ZSCAN25: variants seen among roughly 807,000 people sequenced by gnomAD.
ZSCAN25 encodes zinc finger and SCAN domain-containing protein 25.
Under a neutral mutation model 38.7 loss-of-function variants are expected in ZSCAN25, and 27 were observed. The ratio of observed to expected loss-of-function variants is 0.70; its 90% CI spans 0.51 to 0.96. The LOEUF is 0.96. ZSCAN25 is among the 40% of genes least tolerant of loss of function. The pLI is 0.00. For missense variants in ZSCAN25, 637 were observed against 705.9 expected, an observed-to-expected ratio of 0.90 and a Z score of 1.11; for synonymous variants, 273 against 277.7, an observed-to-expected ratio of 0.98 and a Z score of 0.17.
At chr7:99,667,108 G>A in the ZSCAN25 span, 2 of 1,554,578 alleles carry the variant, frequency 1.3e-6, no homozygotes, top group South Asian at 1.1e-5. Context: ...TAGTTGTGGT[G>A]ATCTTCATGG....
At chr7:99,703,153 CTT>C in the ZSCAN25 span, among the ~76,000 whole-genome samples, 11 of 152,272 alleles carry the variant, frequency 7.2e-5, no homozygotes, top group Non-Finnish European at 1.6e-4. Context: ...TTGGTGGAGT[CTT>C]TAGGTTTTTG....
At chr7:99,654,662 C>A in the ZSCAN25 span, among the ~76,000 whole-genome samples, 3 of 152,270 alleles carry the variant, frequency 2.0e-5, no homozygotes, top group Non-Finnish European at 4.4e-5. Flanking sequence ...ACCACACTGA[C>A]TTCCACAATG....
the ZSCAN25 span, among the ~76,000 whole-genome samples, chr7:99,654,483 A>G: frequency 2.0e-5 from 3 of 152,156 alleles, no homozygotes; most frequent in East Asian, 5.8e-4. Context: ...GTCTATCATT[A>G]TTGGACATTT....
intron 1 of ZSCAN25, chr7:99,617,999 TA>T (rs1424352950): frequency 2.6e-5 from 4 of 152,234 alleles, no homozygotes; most frequent in African/African-American, 7.2e-5. Flanking sequence ...ACTGAAAATA[TA>T]AACTTGGTTT....
At chr7:99,650,177 C>T in the ZSCAN25 span, 1 of 1,614,096 alleles carries the variant, frequency 6.2e-7, no homozygotes, top group Non-Finnish European at 8.5e-7. Flanking sequence ...TTTCTGGGTC[C>T]AGTTCCAAAG....
At chr7:99,664,255 C>T in the ZSCAN25 span, among the ~76,000 whole-genome samples, 2 of 152,216 alleles carry the variant, frequency 1.3e-5, no homozygotes, top group African/African-American at 4.8e-5. Flanking sequence ...AGGCCGGCGA[C>T]TGAGCAAGGG....
chr7:99,650,934 C>T, the ZSCAN25 span, among the ~76,000 whole-genome samples: 3 of 152,116 alleles, frequency 2.0e-5, no homozygotes, highest in South Asian at 6.2e-4. Flanking sequence ...GAAGATTGAC[C>T]CATGTTTTAT....
chr7:99,709,392 T>A, the ZSCAN25 span: 1 of 1,373,778 alleles, frequency 7.3e-7, no homozygotes, highest in Middle Eastern at 1.9e-4. Flanking sequence ...GTAGCATTCA[T>A]AAAGTATTTT....
At chr7:99,737,307 A>T in the ZSCAN25 span, among the ~76,000 whole-genome samples, 7 of 152,174 alleles carry the variant, frequency 4.6e-5, no homozygotes, top group Non-Finnish European at 5.9e-5. Context: ...TTCCTTGCTA[A>T]GCATCACTAT....
At chr7:99,711,846 T>A in the ZSCAN25 span, among the ~76,000 whole-genome samples, 2 of 152,104 alleles carry the variant, frequency 1.3e-5, no homozygotes, top group Non-Finnish European at 2.9e-5. Flanking sequence ...AACTACTGAT[T>A]CAAGTCTGAA....
At chr7:99,640,459 C>T in the ZSCAN25 span, among the ~76,000 whole-genome samples, 1 of 152,176 alleles carries the variant, frequency 6.6e-6, no homozygotes, top group African/African-American at 2.4e-5. Flanking sequence ...CACCTGGCCT[C>T]TCCCTTATTT....
At chr7:99,655,875 CTGTT>C in the ZSCAN25 span, among the ~76,000 whole-genome samples, 1 of 152,108 alleles carries the variant, frequency 6.6e-6, no homozygotes, top group African/African-American at 2.4e-5. Flanking sequence ...ATTTGGCTCT[CTGTT>C]TGTCTGTTAT....
the ZSCAN25 span, among the ~76,000 whole-genome samples, chr7:99,680,770 AAAATAATAG>A: frequency 6.6e-6 from 1 of 152,198 alleles, no homozygotes; most frequent in Admixed American, 6.5e-5. Flanking sequence ...TCTGCAAAGG[AAAATAATAG>A]AAATCATGTT....
the ZSCAN25 span, chr7:99,676,390 GAC>G: frequency 1.3e-6 from 2 of 1,518,042 alleles, no homozygotes; most frequent in Non-Finnish European, 1.8e-6. Context: ...ACTATTCTGA[GAC>G]CCCTGAAAAG....
downstream of ZSCAN25, among the ~76,000 whole-genome samples, chr7:99,632,842 C>T (rs1046202111): frequency 3.9e-5 from 6 of 152,248 alleles, no homozygotes; most frequent in East Asian, 1.2e-3. Context: ...TAAGAACCCA[C>T]CTAATTTTTC....
At chr7:99,718,155 G>A in the ZSCAN25 span, among the ~76,000 whole-genome samples, 5 of 152,100 alleles carry the variant, frequency 3.3e-5, no homozygotes, top group African/African-American at 1.2e-4. Context: ...ATAGCATTAG[G>A]AGTTATACCT....
chr7:99,730,791 C>A, the ZSCAN25 span: 4 of 427,054 alleles, frequency 9.4e-6, no homozygotes, highest in African/African-American at 2.0e-5. Flanking sequence ...CTTTATGGTG[C>A]TCACAAAGTC....
the ZSCAN25 span, among the ~76,000 whole-genome samples, chr7:99,645,404 A>G: frequency 6.6e-6 from 1 of 152,114 alleles, no homozygotes; most frequent in Non-Finnish European, 1.5e-5. Context: ...TGCTATTGTG[A>G]GTAGTACTGC....
downstream of ZSCAN25, among the ~76,000 whole-genome samples, chr7:99,633,623 T>C (rs1808145723): frequency 6.6e-6 from 1 of 152,204 alleles, no homozygotes; most frequent in Admixed American, 6.5e-5. Flanking sequence ...TGGAATGCAG[T>C]GGTGCAATTG....
Sources: allele counts gnomAD v4.1 joint callset (sites outside exome capture counted in the v4.1 genomes callset), GRCh38; gene constraint gnomAD v4.1.1; transcripts MANE v1.5; gene names NCBI Gene and HGNC (gene_info 2026-07-23, HGNC 2026-07-21).